Variants in MACROD2 observed in about 807,000 individuals in gnomAD.
MACROD2 encodes the protein mono-ADP ribosylhydrolase 2, also known as ADP-ribose glycohydrolase MACROD2.
Under a neutral mutation model 70.4 loss-of-function variants are expected in MACROD2, and 36 were observed. That is an observed-to-expected ratio of 0.51 (90% CI 0.39 to 0.68). The LOEUF is 0.68. Ranked by LOEUF, MACROD2 falls within the 30% of genes least tolerant of loss-of-function variation. The pLI is 0.00. For missense variants in MACROD2, 496 were observed against 538.4 expected (o/e 0.92, Z 0.78); for synonymous variants, 172 against 178.8 (o/e 0.96, Z 0.30).
intron 3 of MACROD2, among the ~76,000 whole-genome samples, chr20:14,159,072 A>T (rs1413015891): frequency 6.6e-6 from 1 of 152,084 alleles, no homozygotes; most frequent in Non-Finnish European, 1.5e-5. Flanking sequence ...CTCCATCTCT[A>T]CTAAAAATAC....
At chr20:14,146,247 A>G (rs913461197) in intron 3 of MACROD2, among the ~76,000 whole-genome samples, 1 of 152,044 alleles carries the variant, frequency 6.6e-6, no homozygotes, top group African/African-American at 2.4e-5. Flanking sequence ...TGAACCTGGG[A>G]GGCGGAGCTT....
At position 15,004,806 on chromosome 20, in the gene MACROD2, C is replaced by A. The variant is rs2075023401; in HGVS notation, c.419-225134C>A. Among the ~76,000 whole-genome samples the A allele has an allele frequency of 4.6e-5, 7 of 152,278 alleles. No individual in the cohort carries two copies. In the South Asian group the frequency reaches 1.0e-3, roughly 23 times the overall value. On this transcript the variant is annotated intron_variant, in intron 5 of 17. Coordinates refer to ENST00000684519, the MANE Select transcript of MACROD2 (RefSeq NM_001351661.2). ...AATGCAACTTATTTGTCAATTTAGGCAGTAAAGGTCTGAACACTCAAATTC... is the reference window on the plus strand; with the variant it reads ...AATGCAACTTATTTGTCAATTTAGGAAGTAAAGGTCTGAACACTCAAATTC...
chr20:15,369,214 T>C (rs980573999), intron 6 of MACROD2, among the ~76,000 whole-genome samples: 1 of 152,168 alleles, frequency 6.6e-6, no homozygotes, highest in Non-Finnish European at 1.5e-5. Flanking sequence ...CAAGAGCAAA[T>C]AGCTATGTTA....
intron 7 of MACROD2, among the ~76,000 whole-genome samples, chr20:15,477,285 G>T (rs975612911): frequency 1.3e-5 from 2 of 151,664 alleles, no homozygotes; most frequent in Non-Finnish European, 2.9e-5. Context: ...TGTATACATA[G>T]GACATCACTA....
At chr20:14,775,528 C>T (rs1189007635) in intron 5 of MACROD2, among the ~76,000 whole-genome samples, 1 of 151,918 alleles carries the variant, frequency 6.6e-6, no homozygotes, top group Non-Finnish European at 1.5e-5. Context: ...ACTAGCACAG[C>T]AAGAACTCAC....
At chr20:16,014,945 A>G (rs948946681) in intron 15 of MACROD2, among the ~76,000 whole-genome samples, 1 of 152,182 alleles carries the variant, frequency 6.6e-6, no homozygotes, top group Non-Finnish European at 1.5e-5. Context: ...CAGAAGAGTC[A>G]AGAAAGGAAG....
intron 9 of MACROD2, among the ~76,000 whole-genome samples, chr20:15,878,873 A>G (rs1018265192): frequency 1.3e-5 from 2 of 152,138 alleles, no homozygotes; most frequent in Non-Finnish European, 2.9e-5. Flanking sequence ...GTTATTCATG[A>G]GAAACTAGTT....
At chr20:14,855,597 GTTTTTTTTTTT>G (rs71190156) in intron 5 of MACROD2, among the ~76,000 whole-genome samples, 9 of 77,242 alleles carry the variant, frequency 1.2e-4, no homozygotes, top group Admixed American at 4.0e-4. Context: ...ATCCTACCAA[GTTTTTTTTTTT>G]TTTTTTTTTT....
At position 15,471,261 on chromosome 20, in the gene MACROD2, A is replaced by G. The variant is rs147301982; in HGVS notation, c.572-28513A>G. 5.8e-3 allele frequency among the ~76,000 whole-genome samples: 883 copies of G among 152,132 alleles called. 9 individuals carry two copies. Among genetic ancestry groups the G allele is most frequent in the African/African-American group, 0.02 (829 of 41,492 alleles). On this transcript the variant is annotated intron_variant, in intron 7 of 17. Coordinates refer to ENST00000684519, the MANE Select transcript of MACROD2 (RefSeq NM_001351661.2). ...GTTGCTTCTCAGCTGGGCCCTTACCACTTATCAGTACTCCTAGGGATCATC... is the reference window on the plus strand; with the variant it reads ...GTTGCTTCTCAGCTGGGCCCTTACCGCTTATCAGTACTCCTAGGGATCATC...
intron 5 of MACROD2, among the ~76,000 whole-genome samples, chr20:14,732,699 A>G (rs1452859216): frequency 6.6e-6 from 1 of 152,010 alleles, no homozygotes; most frequent in Non-Finnish European, 1.5e-5. Flanking sequence ...CTCTGTGAAG[A>G]ATTTTTTTTT....
intron 12 of MACROD2, among the ~76,000 whole-genome samples, chr20:15,950,348 A>G (rs142138835): frequency 1.2e-4 from 18 of 152,308 alleles, no homozygotes; most frequent in African/African-American, 3.6e-4. Context: ...GTGGATTCTG[A>G]CAGCAGCAGG....
chr20:14,038,495 G>A (rs1271062577), intron 2 of MACROD2, among the ~76,000 whole-genome samples: 1 of 152,170 alleles, frequency 6.6e-6, no homozygotes. Context: ...CTGTTGAGTG[G>A]CAAAGTTGGG....
chr20:15,305,654 A>G (rs1317112433), intron 6 of MACROD2, among the ~76,000 whole-genome samples: 2 of 140,634 alleles, frequency 1.4e-5, no homozygotes, highest in Non-Finnish European at 3.1e-5. Context: ...AGTTGATAAA[A>G]TTGTGTGTGT....
At chr20:15,168,636 T>A (rs2076402861) in intron 5 of MACROD2, among the ~76,000 whole-genome samples, 1 of 152,090 alleles carries the variant, frequency 6.6e-6, no homozygotes, top group African/African-American at 2.4e-5. Flanking sequence ...CATTGGCAGA[T>A]GAATGGATAA....
At chr20:14,972,853 T>C in intron 5 of MACROD2, among the ~76,000 whole-genome samples, 1 of 152,172 alleles carries the variant, frequency 6.6e-6, no homozygotes, top group East Asian at 1.9e-4. Flanking sequence ...TCACCAATGG[T>C]TGTCATTCAT....
intron 10 of MACROD2, among the ~76,000 whole-genome samples, chr20:15,923,835 A>C (rs1479512887): frequency 6.6e-6 from 1 of 152,092 alleles, no homozygotes; most frequent in African/African-American, 2.4e-5. Context: ...ATTTCATATG[A>C]AGTAAAGAGA....
chr20:14,999,075 T>C (rs548358294), intron 5 of MACROD2, among the ~76,000 whole-genome samples: 1 of 152,220 alleles, frequency 6.6e-6, no homozygotes, highest in African/African-American at 2.4e-5. Flanking sequence ...ATAAAGACTT[T>C]CCCAAACAAA....
At chr20:14,884,841 C>T (rs2073653646) in intron 5 of MACROD2, among the ~76,000 whole-genome samples, 1 of 152,116 alleles carries the variant, frequency 6.6e-6, no homozygotes, top group Non-Finnish European at 1.5e-5. Flanking sequence ...GTAATAAAAA[C>T]CTTGGTCTCC....
intron 5 of MACROD2, among the ~76,000 whole-genome samples, chr20:15,027,554 TGGTGG>T (rs928351950): frequency 1.0e-4 from 15 of 143,688 alleles, no homozygotes; most frequent in African/African-American, 3.8e-4. Flanking sequence ...ATGGTGGTGG[TGGTGG>T]GGGGAAATAA....
Sources: allele counts gnomAD v4.1 joint callset (sites outside exome capture counted in the v4.1 genomes callset), GRCh38; gene constraint gnomAD v4.1.1; transcripts MANE v1.5; gene names NCBI Gene and HGNC (gene_info 2026-07-23, HGNC 2026-07-21).